Variants in MAF observed in about 807,000 individuals in gnomAD.
MAF encodes MAF bZIP transcription factor.
In MAF, 10 loss-of-function variants were observed where a neutral mutation model predicts 22.0. The observed-to-expected ratio is 0.45, with a 90% CI of 0.28 to 0.77. MAF has a LOEUF of 0.77. MAF is among the 30% of genes least tolerant of loss of function. The probability of loss-of-function intolerance (pLI) is 0.12; values close to 1 mark genes in which losing one functional copy is unlikely to be tolerated. For synonymous variants in MAF, 337 were observed against 255.8 expected, an observed-to-expected ratio of 1.32 and a Z score of -3.03; for missense variants, 544 against 548.4, an observed-to-expected ratio of 0.99 and a Z score of 0.08.
chr16:79,211,524 G>T, the MAF span: 1 of 1,581,706 alleles, frequency 6.3e-7, no homozygotes, highest in Non-Finnish European at 8.6e-7. Flanking sequence ...GGGGAGGCCT[G>T]CTAATGCCCA....
At chr16:79,597,827 C>G in intron 1 of MAF, 1 of 1,019,936 alleles carries the variant, frequency 9.8e-7, no homozygotes, top group Non-Finnish European at 1.2e-6. Flanking sequence ...TATAATGTCT[C>G]TTTTCCATAA....
At chr16:79,407,386 G>A in the MAF span, among the ~76,000 whole-genome samples, 1 of 152,130 alleles carries the variant, frequency 6.6e-6, no homozygotes, top group Non-Finnish European at 1.5e-5. Context: ...CTCAAGGATG[G>A]TGATCCATAA....
chr16:79,600,114 C>T lies in MAF; in HGVS notation c.-212G>A, dbSNP rs914821281. 1.7e-6 allele frequency: 1 copy of T among 572,882 alleles called. No individual in the cohort carries two copies. Among genetic ancestry groups the T allele is most frequent in the Admixed American group, 3.8e-5 (1 of 26,622 alleles). The allele number at this position is 572,882 out of a possible 1,614,324, so 35.5% of individuals were successfully genotyped here. A position where few individuals can be genotyped will look rare whatever the true frequency, so the allele number is the denominator to read the frequency against. On this transcript the variant is annotated 5_prime_UTR_variant, in exon 1 of 2. Coordinates refer to ENST00000326043, the MANE Select transcript of MAF (RefSeq NM_005360.5). ...GCGCCCCCCGCGCCCGCCCTCCCTC[C>T]CCCCTGCTCACGCCAATGTGCTCCC...
At chr16:79,228,526 G>T in the MAF span, among the ~76,000 whole-genome samples, 134 of 152,076 alleles carry the variant, frequency 8.8e-4, no homozygotes, top group Non-Finnish European at 1.6e-3. Flanking sequence ...CCATTTCTGT[G>T]GCTGTGAGTC....
chr16:79,375,943 G>A, the MAF span, among the ~76,000 whole-genome samples: 1 of 152,242 alleles, frequency 6.6e-6, no homozygotes, highest in African/African-American at 2.4e-5. Flanking sequence ...CTGGAGATCT[G>A]GGTGAGGAGA....
At chr16:79,540,823 G>A in the MAF span, among the ~76,000 whole-genome samples, 1 of 152,174 alleles carries the variant, frequency 6.6e-6, no homozygotes, top group African/African-American at 2.4e-5. Context: ...TTTGGGAAAA[G>A]TAAAGGAGTT....
the MAF span, among the ~76,000 whole-genome samples, chr16:79,447,569 G>A: frequency 6.6e-6 from 1 of 152,136 alleles, no homozygotes; most frequent in Admixed American, 6.5e-5. Flanking sequence ...CCCTCTGGTG[G>A]ATCTGGGCAA....
chr16:79,595,166 A>C, intron 1 of MAF: 1 of 1,040,892 alleles, frequency 9.6e-7, no homozygotes, highest in East Asian at 5.7e-5. Context: ...AGTCAAGAAC[A>C]CTTGACTTCA....
chr16:79,563,830 C>G, the MAF span, among the ~76,000 whole-genome samples: 1 of 152,034 alleles, frequency 6.6e-6, no homozygotes, highest in Non-Finnish European at 1.5e-5. Context: ...TTACACTCAC[C>G]TAGCAATTCT....
chr16:79,501,440 T>C, the MAF span, among the ~76,000 whole-genome samples: 1 of 152,318 alleles, frequency 6.6e-6, no homozygotes, highest in South Asian at 2.1e-4. Flanking sequence ...GGGACACCAG[T>C]CAAGCCACCA....
At position 79,596,916 on chromosome 16, in the gene MAF, A is replaced by G. The variant is rs546131560; in HGVS notation, c.1118+1869T>C. 2.9e-6 allele frequency: 3 copies of G among 1,050,058 alleles called. No individual in the cohort carries two copies. In the South Asian group the frequency reaches 1.4e-4, roughly 48 times the overall value. 65.0% of individuals were successfully genotyped at this position (1,050,058 alleles called of 1,614,324 possible). On this transcript the variant is annotated intron_variant, in intron 1 of 1. Coordinates refer to ENST00000326043, the MANE Select transcript of MAF (RefSeq NM_005360.5). ...TTTTTGTATTATATGCTTGCAGGTT[A>G]TATCTTAGTGCAATTCAGTCCCAAA...
At chr16:79,582,529 T>G (rs1912583290), downstream of MAF, among the ~76,000 whole-genome samples, 1 of 152,242 alleles carries the variant, frequency 6.6e-6, no homozygotes, top group Non-Finnish European at 1.5e-5. Context: ...CATGCTCTGC[T>G]ATAATTAATT....
chr16:79,205,455 T>C, the MAF span: 1 of 152,196 alleles, frequency 6.6e-6, no homozygotes, highest in African/African-American at 2.4e-5. Context: ...ATTGTCCACG[T>C]CTAATTTGTT....
At chr16:79,432,260 T>G in the MAF span, among the ~76,000 whole-genome samples, 3 of 152,164 alleles carry the variant, frequency 2.0e-5, no homozygotes, top group East Asian at 5.8e-4. Flanking sequence ...CTGCCATGAT[T>G]GTAAGTTTCC....
chr16:79,592,270 T>C (rs1913233419), downstream of MAF, among the ~76,000 whole-genome samples: 1 of 152,196 alleles, frequency 6.6e-6, no homozygotes, highest in Non-Finnish European at 1.5e-5. Flanking sequence ...CAGGACTGTG[T>C]TTCTTTATGC....
At chr16:79,416,539 T>G in the MAF span, among the ~76,000 whole-genome samples, 4 of 149,308 alleles carry the variant, frequency 2.7e-5, no homozygotes, top group East Asian at 7.8e-4. Flanking sequence ...GTGACTTTCA[T>G]AGAATTGAAT....
At chr16:79,218,041 CCTGT>C in the MAF span, among the ~76,000 whole-genome samples, 17 of 134,854 alleles carry the variant, frequency 1.3e-4, no homozygotes, top group East Asian at 9.9e-4. Flanking sequence ...ATAGCAATAC[CCTGT>C]CTATTAACTC....
the MAF span, among the ~76,000 whole-genome samples, chr16:79,277,210 A>G: frequency 6.6e-6 from 1 of 152,102 alleles, no homozygotes; most frequent in Non-Finnish European, 1.5e-5. Flanking sequence ...GGACACGTGC[A>G]GTTCGGTGTA....
At chr16:79,559,886 G>A in the MAF span, among the ~76,000 whole-genome samples, 3 of 152,140 alleles carry the variant, frequency 2.0e-5, no homozygotes, top group African/African-American at 7.2e-5. Context: ...TTTGTGTTGT[G>A]TTGTGTTTCT....
Sources: gnomAD v4.1 joint callset for allele counts (sites outside exome capture counted in the v4.1 genomes callset) on GRCh38, gnomAD v4.1.1 for gene constraint, MANE v1.5 for transcripts, NCBI Gene and HGNC (gene_info 2026-07-23, HGNC 2026-07-21) for gene names.